The following HPGDS variants were observed in gnomAD, a reference collection of about 807,000 sequenced individuals.
The protein encoded by HPGDS is GST class-sigma.
In HPGDS, 26 loss-of-function variants were observed where a neutral mutation model predicts 23.1. The ratio of observed to expected loss-of-function variants is 1.13; its 90% CI spans 0.83 to 1.56. The LOEUF (loss-of-function observed/expected upper bound fraction) is 1.56, where lower values mean the gene tolerates loss of function less well. Ranked by LOEUF, HPGDS falls within the 40% of genes most tolerant of loss-of-function variation. The probability of loss-of-function intolerance (pLI) is 0.00; values close to 1 mark genes in which losing one functional copy is unlikely to be tolerated. For missense variants in HPGDS, 268 were observed against 236.4 expected (o/e 1.13, Z -0.88); for synonymous variants, 95 against 77.9 (o/e 1.22, Z -1.16).
chr4:94,304,172 C>T (rs1402431297), intron 4 of HPGDS, among the ~76,000 whole-genome samples: 1 of 151,880 alleles, frequency 6.6e-6, no homozygotes, highest in Non-Finnish European at 1.5e-5. Flanking sequence ...GAAAGTTTAA[C>T]AAATGACTTT....
rs1445687341 is a variant in HPGDS at position 94,308,695 on chromosome 4, A to G, written c.275T>C (p.Val92Ala). ...TGACATGAAATCATCCAGAGTGTCC[A>G]CAATAGCATCAACATGACATTGTTC... ...EMEQCHVDAI[V>A]DTLDDFMSCF... Residue 92 changes from valine to alanine, a missense_variant, in exon 4 of 6, where the codon GTG becomes GCG. By Grantham distance (64) the Val-to-Ala change is moderately conservative. Transcript: ENST00000295256. 1.2e-6 allele frequency: 2 copies of G among 1,610,026 alleles called. No homozygotes were observed. The highest frequency in any genetic ancestry group is 1.7e-6 in the Non-Finnish European group (2 of 1,177,264).
In HPGDS at chr4:94,334,240, G is replaced by A. The variant is rs113554763; in HGVS notation, c.133+257C>T. 6.8e-3 allele frequency: 2,006 copies of A among 296,302 alleles called. 13 individuals carry two copies. The highest frequency in any genetic ancestry group is 0.042 in the Middle Eastern group (43 of 1,030). 18.4% of individuals were successfully genotyped at this position (296,302 alleles called of 1,614,324 possible). A position where few individuals can be genotyped will look rare whatever the true frequency, so the allele number is the denominator to read the frequency against. On this transcript the variant is annotated intron_variant, in intron 2 of 5. Transcript: ENST00000295256. ...GAAAAACAAACAAACAAACAATGTC[G>A]CATGTTTATTTCAGCTCATATTGTC...
intron 2 of HPGDS, among the ~76,000 whole-genome samples, chr4:94,321,603 A>T (rs1756510632): frequency 6.6e-6 from 1 of 152,114 alleles, no homozygotes; most frequent in Non-Finnish European, 1.5e-5. Flanking sequence ...TGATTTTTGT[A>T]CATTGATTTT....
At chr4:94,339,069 G>A (rs541567653) in intron 1 of HPGDS, among the ~76,000 whole-genome samples, 1 of 152,308 alleles carries the variant, frequency 6.6e-6, no homozygotes, top group African/African-American at 2.4e-5. Context: ...GGACTAAATG[G>A]TTCTGAGACT....
At chr4:94,330,434 C>CA (rs1756714823) in intron 2 of HPGDS, among the ~76,000 whole-genome samples, 1 of 151,926 alleles carries the variant, frequency 6.6e-6, no homozygotes, top group African/African-American at 2.4e-5. Flanking sequence ...TCAGAAATAG[C>CA]TTTTTTTTCC....
intron 5 of HPGDS, 122 bp from the exon 6 acceptor site, chr4:94,299,766 G>A (rs1755999301): frequency 1.1e-6 from 1 of 916,864 alleles, no homozygotes; most frequent in Admixed American, 2.7e-5. Context: ...TACAAAAGCA[G>A]AATGTTTATA....
chr4:94,311,139 G>T (rs1478742510), intron 3 of HPGDS, among the ~76,000 whole-genome samples: 1 of 152,048 alleles, frequency 6.6e-6, no homozygotes, highest in Non-Finnish European at 1.5e-5. Context: ...TCCTTCTCTT[G>T]CCTGATTGCC....
At chr4:94,318,651 T>C (rs577657561) in intron 2 of HPGDS, among the ~76,000 whole-genome samples, 1 of 152,320 alleles carries the variant, frequency 6.6e-6, no homozygotes, top group South Asian at 2.1e-4. Context: ...ATGTGTTTTG[T>C]GGCTTAACAT....
Sources: allele counts gnomAD v4.1 joint callset (sites outside exome capture counted in the v4.1 genomes callset), GRCh38; gene constraint gnomAD v4.1.1; transcripts MANE v1.5; gene names NCBI Gene and HGNC (gene_info 2026-07-23, HGNC 2026-07-21).